DHX9: variants seen among roughly 807,000 people sequenced by gnomAD.
The protein encoded by DHX9 is ATP-dependent RNA helicase A.
DHX9 carries 27 observed loss-of-function variants against 148.7 expected under a neutral mutation model. The observed-to-expected ratio is 0.18, with a 90% CI of 0.13 to 0.25. The LOEUF (loss-of-function observed/expected upper bound fraction) is 0.25. Ranked by LOEUF, DHX9 falls within the 10% of genes least tolerant of loss-of-function variation. The pLI, the probability that DHX9 is intolerant of heterozygous loss-of-function variation, is 1.00. For missense variants in DHX9, 796 were observed against 1,559.6 expected, an observed-to-expected ratio of 0.51 and a Z score of 8.25; for synonymous variants, 529 against 516.6, an observed-to-expected ratio of 1.02 and a Z score of -0.33.
At chr1:182,846,151 C>T (rs1001375427) in intron 3 of DHX9, among the ~76,000 whole-genome samples, 2 of 151,886 alleles carry the variant, frequency 1.3e-5, no homozygotes, top group African/African-American at 4.8e-5. Context: ...GCAGTCAACT[C>T]GTTAGCATAC....
intron 3 of DHX9, 85 bp from the exon 4 acceptor site, chr1:182,852,148 A>G: frequency 2.6e-6 from 2 of 757,416 alleles, no homozygotes; most frequent in East Asian, 2.6e-5. Flanking sequence ...GGTATGACAC[A>G]TGGGTCCTTT....
Position 182,887,313 on chromosome 1 carries a change from G to A in DHX9, c.3692G>A (p.Gly1231Glu). Reference sequence around the variant, plus strand: ...CGAGGTGGCTTTAGAGGCAACTCTGGAGGAGACTACAGAGGGCCTAGTGGA... The same window carrying A: ...CGAGGTGGCTTTAGAGGCAACTCTGAAGGAGACTACAGAGGGCCTAGTGGA... ...VSRGGFRGNS[G>E]GDYRGPSGGY... The change falls in exon 28 of 28, where the codon GGA becomes GAA. Residue 1231 changes from glycine (G) to glutamate (E), a missense_variant. Gly to Glu is a moderately conservative substitution (Grantham distance 98). Transcript: ENST00000367549. 1 of 1,614,194 alleles carries A rather than the reference G, an allele frequency of 6.2e-7. No homozygotes were observed. Among genetic ancestry groups the A allele is most frequent in the Non-Finnish European group, 8.5e-7 (1 of 1,180,028 alleles).
chr1:182,840,007 A>C (rs1438093375), intron 1 of DHX9: 1 of 152,418 alleles, frequency 6.6e-6, no homozygotes, highest in Non-Finnish European at 1.5e-5. Context: ...CAGAGCCTGC[A>C]GAAGCGGAAG....
chr1:182,879,505 A>T lies in DHX9; in HGVS notation c.2512+95A>T, dbSNP rs2102618208. ...ACTTACAAATGAATCAAGATGATGA[A>T]GATGTAGTCAACAGGGCTGTGATAA... On this transcript the variant is annotated intron_variant, in intron 21 of 27. Coordinates refer to ENST00000367549, the MANE Select transcript of DHX9 (RefSeq NM_001357.5). 3 of 1,203,130 alleles carry T rather than the reference A, an allele frequency of 2.5e-6. No homozygotes were observed. The East Asian group carries it at 8.0e-5, about 32-fold the overall frequency. 74.5% of individuals were successfully genotyped at this position (1,203,130 alleles called of 1,614,324 possible).
In DHX9 at chr1:182,874,940, G is replaced by A; in HGVS notation, c.1801G>A (p.Gly601Ser). 1.2e-6 allele frequency: 2 copies of A among 1,612,452 alleles called. No individual in the cohort carries two copies. Among genetic ancestry groups the A allele is most frequent in the Non-Finnish European group, 1.7e-6 (2 of 1,178,648 alleles). Residue 601 changes from glycine to serine, a missense_variant, in exon 16 of 28, where the codon GGT becomes AGT. Gly to Ser is a moderately conservative substitution (Grantham distance 56). Transcript: ENST00000367549. ...GAAGAAGGATAAGGATGATGATGGT[G>A]GTGAGGATGATGATGTAAGTGAATT... is the stretch of plus-strand genomic sequence containing the variant. ...KKKKDKDDDGGEDDDANCNLI... is the reference protein window; with the variant it reads ...KKKKDKDDDGSEDDDANCNLI...
chr1:182,870,513 G>A (rs1648513147), intron 14 of DHX9, among the ~76,000 whole-genome samples: 1 of 152,204 alleles, frequency 6.6e-6, no homozygotes, highest in Non-Finnish European at 1.5e-5. Context: ...ATGCAACATT[G>A]TTAGGAGACG....
At chr1:182,880,670 C>T (rs894400393) in intron 22 of DHX9, 62 bp downstream of exon 22, 2 of 1,146,768 alleles carry the variant, frequency 1.7e-6, no homozygotes, top group South Asian at 1.3e-5. Flanking sequence ...TCTTCTCCTC[C>T]CTGTAAAAGC....
At chr1:182,848,620 A>T (rs1475535488) in intron 3 of DHX9, among the ~76,000 whole-genome samples, 7 of 152,202 alleles carry the variant, frequency 4.6e-5, no homozygotes, top group Non-Finnish European at 7.3e-5. Context: ...GGAAAAAAAA[A>T]TTATAACAAC....
In DHX9 at chr1:182,883,582, C is replaced by G; in HGVS notation, c.3207C>G (p.Leu1069=). Residue 1069 remains leucine (L), a synonymous_variant, in exon 26 of 28, where the codon CTC becomes CTG. Coordinates refer to ENST00000367549, the MANE Select transcript of DHX9 (RefSeq NM_001357.5). ...TAGTCACCCCCCTGCAGTTGCTTCT[C>G]TTTGCCTCCAAGAAAGTCCAATCTG... ...MTLVTPLQLL[L]FASKKVQSDG... is the part of the protein sequence containing the mutation. 6.2e-7 allele frequency: 1 copy of G among 1,613,852 alleles called. No homozygotes were observed.
intron 12 of DHX9, among the ~76,000 whole-genome samples, chr1:182,863,663 G>A (rs923515168): frequency 7.2e-5 from 11 of 152,128 alleles, no homozygotes; most frequent in African/African-American, 2.2e-4. Flanking sequence ...ATCTTCATAC[G>A]CTGTACAGTG....
intron 16 of DHX9, 180 bp downstream of exon 16, chr1:182,875,134 A>C: frequency 1.6e-6 from 1 of 640,374 alleles, no homozygotes; most frequent in South Asian, 1.5e-5. Flanking sequence ...GTTCAGTGAC[A>C]AGCTGTTTTC....
At chr1:182,859,964 TTGAC>T in intron 11 of DHX9, 25 bp from the exon 12 acceptor site, 1 of 1,587,650 alleles carries the variant, frequency 6.3e-7, no homozygotes, top group Non-Finnish European at 8.6e-7. Flanking sequence ...TGGTAGACAT[TTGAC>T]TGAAGTGTGA....
chr1:182,872,618 G>A, intron 15 of DHX9, 125 bp downstream of exon 15: 1 of 1,068,160 alleles, frequency 9.4e-7, no homozygotes, highest in Admixed American at 2.5e-5. Context: ...AGTATCAAAT[G>A]TATCATAGCA....
rs554788007 is a variant in DHX9 at position 182,870,222 on chromosome 1, A to G, written c.1558-2115A>G. The stretch of plus-strand genomic sequence containing the variant: ...ATGTTTATATGTAGAAGGATTTAAT[A>G]GCATATCAATTATTTTCAAGTTGGT... On this transcript the variant is annotated intron_variant, in intron 14 of 27. Transcript: ENST00000367549. 3.3e-5 allele frequency among the ~76,000 whole-genome samples: 5 copies of G among 152,378 alleles called. No individual in the cohort carries two copies. In the South Asian group the frequency reaches 8.3e-4, roughly 25 times the overall value.
intron 3 of DHX9, among the ~76,000 whole-genome samples, chr1:182,849,460 ATATAATG>A (rs1668092530): frequency 1.3e-5 from 2 of 152,260 alleles, no homozygotes; most frequent in Admixed American, 1.3e-4. Context: ...AATAGTGTCA[ATATAATG>A]AGATATCCAA....
Position 182,859,992 on chromosome 1 carries a change from G to T in DHX9, c.1141-1G>T. ...ACTGAAGTGTGACTTTTCTAATGCA[G>T]ATCTTGCAGGAGAGAGAGTTACTGC... is the stretch of plus-strand genomic sequence containing the variant. On this transcript the variant is annotated splice_acceptor_variant, in intron 11 of 27. Transcript: ENST00000367549. LOFTEE classifies it high-confidence loss of function. 6.2e-7 allele frequency: 1 copy of T among 1,606,810 alleles called. No homozygotes were observed. Among genetic ancestry groups the T allele is most frequent in the South Asian group, 1.1e-5 (1 of 89,942 alleles).
At chr1:182,856,676 T>G (rs965742418) in intron 7 of DHX9, 98 bp downstream of exon 7, 3 of 1,017,770 alleles carry the variant, frequency 2.9e-6, no homozygotes, top group African/African-American at 1.6e-5. Context: ...CTGTATTATT[T>G]GAAAGAGCAC....
rs1667963249 is a variant in DHX9 at position 182,843,210 on chromosome 1, T to C, written c.112-84T>C. ...TTCCTAAAGTTAGCTGTTTGTTGTC[T>C]CTTAATGGACTACTGAATTACGACT... On this transcript the variant is annotated intron_variant, in intron 2 of 27. Transcript: ENST00000367549. The C allele has an allele frequency of 2.8e-6, 3 of 1,079,330 alleles. No individual in the cohort carries two copies. The East Asian group carries it at 8.6e-5, about 31-fold the overall frequency. 66.9% of individuals were successfully genotyped at this position (1,079,330 alleles called of 1,614,324 possible).
At chr1:182,849,083 T>C (rs1190655458) in intron 3 of DHX9, among the ~76,000 whole-genome samples, 1 of 152,252 alleles carries the variant, frequency 6.6e-6, no homozygotes, top group African/African-American at 2.4e-5. Context: ...TGTTACCAGC[T>C]ACCATCTTTA....
Sources: allele counts gnomAD v4.1 joint callset (sites outside exome capture counted in the v4.1 genomes callset), GRCh38; gene constraint gnomAD v4.1.1; transcripts MANE v1.5; gene names NCBI Gene and HGNC (gene_info 2026-07-23, HGNC 2026-07-21).